NAF1: variants seen among roughly 807,000 people sequenced by gnomAD.
NAF1 encodes the protein H/ACA ribonucleoprotein complex non-core subunit NAF1.
Under a neutral mutation model 40.6 loss-of-function variants are expected in NAF1, and 11 were observed. The observed-to-expected ratio is 0.27, with a 90% CI of 0.17 to 0.45. The LOEUF (loss-of-function observed/expected upper bound fraction) is 0.45. NAF1 is among the 20% of genes least tolerant of loss of function. NAF1 has a pLI of 1.00. For missense variants in NAF1, 607 were observed against 611.1 expected (o/e 0.99, Z 0.07); for synonymous variants, 260 against 228.5 (o/e 1.14, Z -1.24).
At chr4:163,154,105 C>G (rs1268371593) in intron 2 of NAF1, among the ~76,000 whole-genome samples, 1 of 151,924 alleles carries the variant, frequency 6.6e-6, no homozygotes, top group Non-Finnish European at 1.5e-5. Context: ...ATCTGAACAT[C>G]AGAAGGAACA....
chr4:163,145,451 CT>C (rs1157121163), intron 4 of NAF1, among the ~76,000 whole-genome samples: 7 of 152,168 alleles, frequency 4.6e-5, no homozygotes, highest in African/African-American at 1.7e-4. Context: ...TATGGGAAGT[CT>C]TCTTCACTCA....
At chr4:163,112,357 C>T (rs992605574) in intron 2 of NAF1, among the ~76,000 whole-genome samples, 3 of 152,062 alleles carry the variant, frequency 2.0e-5, no homozygotes, top group Admixed American at 2.0e-4. Context: ...TGTATTTGAG[C>T]TATCACAGGT....
At chr4:163,148,757 T>A (rs1263245034) in intron 2 of NAF1, among the ~76,000 whole-genome samples, 2 of 152,296 alleles carry the variant, frequency 1.3e-5, no homozygotes, top group East Asian at 1.9e-4. Context: ...AAGGCTATTA[T>A]CAGGCAGAGA....
chr4:163,152,100 T>C (rs1731733896), intron 2 of NAF1, among the ~76,000 whole-genome samples: 1 of 152,096 alleles, frequency 6.6e-6, no homozygotes, highest in African/African-American at 2.4e-5. Flanking sequence ...AATTCCAGAA[T>C]CTCAAATATG....
chr4:163,158,510 A>G (rs1041278557), intron 2 of NAF1, among the ~76,000 whole-genome samples: 1 of 152,102 alleles, frequency 6.6e-6, no homozygotes, highest in African/African-American at 2.4e-5. Context: ...CCTATTGTGT[A>G]TGACACTAAA....
chr4:163,123,179 C>T (rs748803794), downstream of NAF1, among the ~76,000 whole-genome samples: 21 of 152,144 alleles, frequency 1.4e-4, no homozygotes, highest in Non-Finnish European at 2.2e-4. Context: ...TTATGTCACA[C>T]GGTGAGTGTG....
chr4:163,130,747 A>G (rs1730839085), intron 7 of NAF1, among the ~76,000 whole-genome samples: 1 of 152,280 alleles, frequency 6.6e-6, no homozygotes, highest in Non-Finnish European at 1.5e-5. Flanking sequence ...TGCAAAAAGA[A>G]TAAATCTAGA....
chr4:163,112,785 C>G (rs975020674), intron 2 of NAF1, among the ~76,000 whole-genome samples: 2 of 152,098 alleles, frequency 1.3e-5, no homozygotes, highest in East Asian at 1.9e-4. Context: ...AAGAGGAAAA[C>G]AAAACTGCTA....
rs201716724 is a variant in NAF1 at position 163,140,310 on chromosome 4, C to T, written c.791G>A (p.Ser264Asn). ...LRFNSSDHIESKGIKIKETMY... is the reference protein window; with the variant it reads ...LRFNSSDHIENKGIKIKETMY... ...AGTCTCCTTTATTTTAATACCTTTACTCTCAATGTGATCTGAAGAATTAAA... is the reference window on the plus strand; with the variant it reads ...AGTCTCCTTTATTTTAATACCTTTATTCTCAATGTGATCTGAAGAATTAAA... Residue 264 changes from serine (S) to asparagine (N), a missense_variant, in exon 5 of 8, where the codon AGT becomes AAT. Around this residue, in one of 3 missense-constraint regions of NAF1, gnomAD observed 407 missense variants for 365.5 expected, o/e 1.11. Transcript: ENST00000274054. 2.7e-4 allele frequency: 427 copies of T among 1,608,698 alleles called. No homozygotes were observed. Among genetic ancestry groups the T allele is most frequent in the Non-Finnish European group, 3.5e-4 (417 of 1,177,354 alleles).
chr4:163,145,973 G>T, intron 3 of NAF1, 109 bp from the exon 4 acceptor site: 3 of 590,464 alleles, frequency 5.1e-6, no homozygotes, highest in South Asian at 4.9e-5. Context: ...TTGAAGGTGG[G>T]ATTATTACCT....
intron 2 of NAF1, among the ~76,000 whole-genome samples, chr4:163,155,069 C>G (rs1731922279): frequency 6.6e-6 from 1 of 152,126 alleles, no homozygotes; most frequent in Non-Finnish European, 1.5e-5. Flanking sequence ...CCTTTGGCAG[C>G]CATGTCAGAC....
intron 2 of NAF1, among the ~76,000 whole-genome samples, chr4:163,160,027 G>T (rs1579188073): frequency 6.6e-6 from 1 of 152,086 alleles, no homozygotes; most frequent in Non-Finnish European, 1.5e-5. Flanking sequence ...TTTGAATGAA[G>T]AGTTCAGAGC....
At chr4:163,164,571 T>C (rs1732372943) in intron 1 of NAF1, among the ~76,000 whole-genome samples, 180 bp from the exon 2 acceptor site, 1 of 147,970 alleles carries the variant, frequency 6.8e-6, no homozygotes, top group South Asian at 2.2e-4. Context: ...ACTGCTGTTC[T>C]AATTCAAAAC....
chr4:163,139,489 C>T (rs1731174500), intron 5 of NAF1, among the ~76,000 whole-genome samples: 1 of 151,934 alleles, frequency 6.6e-6, no homozygotes, highest in African/African-American at 2.4e-5. Flanking sequence ...ATGCTATTTG[C>T]TGATATAAAA....
intron 2 of NAF1, among the ~76,000 whole-genome samples, chr4:163,114,209 T>C (rs550732722): frequency 1.8e-4 from 28 of 152,258 alleles, no homozygotes; most frequent in African/African-American, 6.5e-4. Flanking sequence ...CAGAGGGGAT[T>C]TGTGGAGAGG....
chr4:163,152,539 A>C (rs999926268), intron 2 of NAF1, among the ~76,000 whole-genome samples: 3 of 152,236 alleles, frequency 2.0e-5, no homozygotes, highest in Non-Finnish European at 4.4e-5. Flanking sequence ...GGAAGAATGA[A>C]AAGTTTTGCC....
Position 163,164,335 on chromosome 4 carries a change from G to A in NAF1, c.422C>T (p.Ser141Leu), listed in dbSNP as rs200588702. 1.9e-5 allele frequency: 31 copies of A among 1,599,988 alleles called. No homozygotes were observed. The highest frequency in any genetic ancestry group is 1.7e-4 in the Middle Eastern group (1 of 6,040). Residue 141 changes from serine to leucine, a missense_variant, in exon 2 of 8, where the codon TCG becomes TTG. Coordinates refer to ENST00000274054, the MANE Select transcript of NAF1 (RefSeq NM_138386.3). ...AAGTGATATACAAGAGGAAGAAGACGACGATGAGGAAGATGAAGAGGAAGA... is the reference window on the plus strand; with the variant it reads ...AAGTGATATACAAGAGGAAGAAGACAACGATGAGGAAGATGAAGAGGAAGA... ...SSSSSSSSSS[S>L]SSSSCISLPP... is the part of the protein sequence containing the mutation.
intron 2 of NAF1, among the ~76,000 whole-genome samples, chr4:163,153,283 C>A (rs140979911): frequency 2.0e-5 from 3 of 152,174 alleles, no homozygotes; most frequent in African/African-American, 4.8e-5. Context: ...CGGTGCAGTG[C>A]GGGATCCACT....
intron 1 of NAF1, 60 bp downstream of exon 1, chr4:163,166,303 C>A (rs1315631912): frequency 6.6e-7 from 1 of 1,510,134 alleles, no homozygotes; most frequent in Admixed American, 2.2e-5. Flanking sequence ...TAGGCCCCAG[C>A]CACCCCCGCC....
Sources: gnomAD v4.1 joint callset for allele counts (sites outside exome capture counted in the v4.1 genomes callset) on GRCh38, gnomAD v4.1.1 for gene constraint, gnomAD v4.1.1 regional missense constraint, MANE v1.5 for transcripts, NCBI Gene and HGNC (gene_info 2026-07-23, HGNC 2026-07-21) for gene names.